NELL1: variants seen among roughly 807,000 people sequenced by gnomAD.
NELL1 encodes neural EGFL like 1.
Under a neutral mutation model 107.4 loss-of-function variants are expected in NELL1, and 76 were observed. That is an observed-to-expected ratio of 0.71 (90% CI 0.59 to 0.86). The LOEUF (loss-of-function observed/expected upper bound fraction) is 0.86. Ranked by LOEUF, NELL1 falls within the 40% of genes least tolerant of loss-of-function variation. NELL1 has a pLI of 0.00. For synonymous variants in NELL1, 353 were observed against 341.2 expected (o/e 1.03, Z -0.38); for missense variants, 1,024 against 1,005.5 (o/e 1.02, Z -0.25).
chr11:21,048,645 G>A (rs1354477952), intron 12 of NELL1, among the ~76,000 whole-genome samples: 2 of 151,964 alleles, frequency 1.3e-5, no homozygotes, highest in Admixed American at 6.6e-5. Context: ...CTTGCTTTCC[G>A]GGGGCTATGC....
At chr11:21,533,143 G>A (rs1828379528) in intron 15 of NELL1, among the ~76,000 whole-genome samples, 3 of 152,146 alleles carry the variant, frequency 2.0e-5, no homozygotes, top group African/African-American at 7.2e-5. Context: ...GGTGACCATT[G>A]AGTTGGAGTT....
intron 12 of NELL1, among the ~76,000 whole-genome samples, chr11:21,091,408 T>C (rs931627517): frequency 6.6e-6 from 1 of 152,206 alleles, no homozygotes; most frequent in Non-Finnish European, 1.5e-5. Flanking sequence ...AGCGAATGCA[T>C]GGAAACATGG....
At chr11:20,732,872 C>A (rs1009242500) in intron 2 of NELL1, among the ~76,000 whole-genome samples, 1 of 152,086 alleles carries the variant, frequency 6.6e-6, no homozygotes, top group Non-Finnish European at 1.5e-5. Context: ...TTTTGTAAGT[C>A]ATTTATTGAA....
At chr11:21,552,276 T>A (rs1391223140) in intron 16 of NELL1, among the ~76,000 whole-genome samples, 1 of 151,750 alleles carries the variant, frequency 6.6e-6, no homozygotes, top group Non-Finnish European at 1.5e-5. Context: ...ACCCTAAAAC[T>A]TAAAGTATAA....
At chr11:21,336,533 C>G (rs954349979) in intron 14 of NELL1, among the ~76,000 whole-genome samples, 21 of 151,948 alleles carry the variant, frequency 1.4e-4, no homozygotes, top group African/African-American at 5.1e-4. Flanking sequence ...AAGGACCAAA[C>G]AGTGGATTTG....
chr11:21,142,906 G>A (rs1855898902), intron 13 of NELL1, among the ~76,000 whole-genome samples: 1 of 152,296 alleles, frequency 6.6e-6, no homozygotes, highest in South Asian at 2.1e-4. Flanking sequence ...ACAGACGCAC[G>A]GTATGGCACA....
chr11:20,696,629 T>G (rs1792983), intron 2 of NELL1, among the ~76,000 whole-genome samples: 1 of 151,706 alleles, frequency 6.6e-6, no homozygotes, highest in African/African-American at 2.4e-5. Context: ...GGAGTGGACT[T>G]ATGTTTTGTT....
chr11:20,904,239 C>A (rs1233660667), intron 5 of NELL1, among the ~76,000 whole-genome samples: 2 of 151,638 alleles, frequency 1.3e-5, no homozygotes, highest in South Asian at 4.2e-4. Context: ...AAAAAAGTGG[C>A]AGGCATTGAT....
intron 5 of NELL1, among the ~76,000 whole-genome samples, chr11:20,914,927 A>G (rs968511633): frequency 2.0e-5 from 3 of 152,058 alleles, no homozygotes; most frequent in Non-Finnish European, 4.4e-5. Flanking sequence ...AAATTCTGAT[A>G]TATACCCTAA....
intron 12 of NELL1, among the ~76,000 whole-genome samples, chr11:20,996,658 T>A (rs1852096998): frequency 6.6e-6 from 1 of 152,202 alleles, no homozygotes; most frequent in Non-Finnish European, 1.5e-5. Flanking sequence ...GGACCCTGGA[T>A]ATGCCACATC....
chr11:21,264,156 T>C (rs955991674), intron 14 of NELL1, among the ~76,000 whole-genome samples: 1 of 150,626 alleles, frequency 6.6e-6, no homozygotes, highest in Non-Finnish European at 1.5e-5. Context: ...AGGGGGAATG[T>C]AGCACCTAGA....
chr11:20,888,691 T>C (rs1231259021), intron 5 of NELL1, among the ~76,000 whole-genome samples: 1 of 152,178 alleles, frequency 6.6e-6, no homozygotes, highest in Admixed American at 6.5e-5. Context: ...AGCCATTTTA[T>C]TTAGCTCAAA....
intron 2 of NELL1, among the ~76,000 whole-genome samples, chr11:20,688,840 T>C (rs1438122704): frequency 6.6e-6 from 1 of 152,192 alleles, no homozygotes; most frequent in Non-Finnish European, 1.5e-5. Flanking sequence ...CTGGCTGCAC[T>C]CATTCACATT....
At chr11:20,773,263 T>C (rs911787188) in intron 2 of NELL1, among the ~76,000 whole-genome samples, 1 of 152,188 alleles carries the variant, frequency 6.6e-6, no homozygotes, top group African/African-American at 2.4e-5. Flanking sequence ...CCACCCATCC[T>C]ACAGGACCCA....
intron 15 of NELL1, among the ~76,000 whole-genome samples, chr11:21,421,613 C>T (rs1945427): frequency 0.5 from 76,184 of 151,724 alleles, 21,180 homozygotes; most frequent in African/African-American, 0.76. Context: ...CACAGCATTA[C>T]TGTAAGCTAC....
intron 5 of NELL1, among the ~76,000 whole-genome samples, chr11:20,889,834 T>C (rs576708955): frequency 6.6e-6 from 1 of 152,106 alleles, no homozygotes; most frequent in African/African-American, 2.4e-5. Flanking sequence ...AGCCGGAGAC[T>C]CAGGGACAGA....
At chr11:21,496,540 G>C (rs2133924747) in intron 15 of NELL1, among the ~76,000 whole-genome samples, 1 of 151,558 alleles carries the variant, frequency 6.6e-6, no homozygotes, top group South Asian at 2.1e-4. Flanking sequence ...CTCCCGAGTA[G>C]CTGGGACTAC....
At chr11:20,838,350 A>G (rs1022932412) in intron 3 of NELL1, among the ~76,000 whole-genome samples, 2 of 149,386 alleles carry the variant, frequency 1.3e-5, no homozygotes, top group African/African-American at 5.0e-5. Context: ...ATCCTAGATA[A>G]GAGTGTGGAA....
chr11:20,673,405 T>A (rs1565300488), intron 1 of NELL1, among the ~76,000 whole-genome samples: 1 of 152,088 alleles, frequency 6.6e-6, no homozygotes, highest in Non-Finnish European at 1.5e-5. Context: ...TCTTGGAGCA[T>A]TTTTTTAGTC....
Sources: allele counts gnomAD v4.1 joint callset (sites outside exome capture counted in the v4.1 genomes callset), GRCh38; gene constraint gnomAD v4.1.1; transcripts MANE v1.5; gene names NCBI Gene and HGNC (gene_info 2026-07-23, HGNC 2026-07-21).